Variants in GLP1R observed in about 807,000 individuals in gnomAD.
GLP1R encodes glucagon like peptide 1 receptor.
A neutral mutation model predicts 68.4 loss-of-function variants in GLP1R; 32 were observed. That is an observed-to-expected ratio of 0.47 (90% CI 0.35 to 0.63). The LOEUF (loss-of-function observed/expected upper bound fraction) is 0.63. Among genes scored for constraint, GLP1R ranks in the 20% least tolerant of loss-of-function variants. The pLI is 0.00. For synonymous variants in GLP1R, 263 were observed against 244.4 expected (o/e 1.08, Z -0.71); for missense variants, 502 against 594.9 (o/e 0.84, Z 1.62).
rs142426070 is a variant in GLP1R, at chr6:39,056,423, G to C, written c.105G>C (p.Thr35=). 5.5e-5 allele frequency: 89 copies of C among 1,607,936 alleles called. 1 individual carries two copies. The Admixed American group carries it at 1.4e-3, about 26-fold the overall frequency. ...PQGATVSLWE[T]VQKWREYRRQ... ...GTGCCACTGTGTCCCTCTGGGAGAC[G>C]GTGCAGAAATGGCGAGAATACCGAC... Residue 35 remains threonine (T), a synonymous_variant, in exon 2 of 13, where the codon ACG becomes ACC. Coordinates refer to ENST00000373256, the MANE Select transcript of GLP1R (RefSeq NM_002062.5).
chr6:39,080,851 C>T (rs1768988853), intron 12 of GLP1R, 112 bp downstream of exon 12: 2 of 632,936 alleles, frequency 3.2e-6, no homozygotes, highest in African/African-American at 1.9e-5. Context: ...CCCCTACTCA[C>T]CTCACTGAGG....
At chr6:39,073,563 C>T in intron 6 of GLP1R, 47 bp from the exon 7 acceptor site, 2 of 1,554,344 alleles carry the variant, frequency 1.3e-6, no homozygotes, top group Non-Finnish European at 1.8e-6. Context: ...TCAAGAGAGG[C>T]AGAGGGCAGA....
At chr6:39,068,309 C>G (rs1200128352) in intron 5 of GLP1R, among the ~76,000 whole-genome samples, 1 of 152,186 alleles carries the variant, frequency 6.6e-6, no homozygotes, top group East Asian at 1.9e-4. Context: ...CCCACTCGCA[C>G]AGCTTTGCTG....
chr6:39,069,506 G>A (rs189714008), intron 5 of GLP1R, among the ~76,000 whole-genome samples: 2 of 152,190 alleles, frequency 1.3e-5, no homozygotes, highest in African/African-American at 2.4e-5. Context: ...GGTGGCGGGC[G>A]CCTGTAGTCC....
At chr6:39,055,662 G>A (rs74897780) in intron 1 of GLP1R, among the ~76,000 whole-genome samples, 3 of 151,722 alleles carry the variant, frequency 2.0e-5, no homozygotes, top group African/African-American at 4.9e-5. Context: ...CTTCCTTTGG[G>A]TGGATAGAAG....
Position 39,079,306 on chromosome 6 carries a change from C to A in GLP1R, c.1043+106C>A, listed in dbSNP as rs1768925839. On this transcript the variant is annotated intron_variant, in intron 10 of 12. Transcript: ENST00000373256. This position sits in a 1 kb window ranked among gnomAD's most constrained non-coding sequence, Gnocchi z 4.5. ...GGGATGCTTAGCTTAGAGCCCTACA[C>A]TACCCTCTCCTTCCACCCAGGCCTG... The A allele has an allele frequency of 2.2e-6, 2 of 913,226 alleles. No individual in the cohort carries two copies. The highest frequency in any genetic ancestry group is 2.6e-4 in the Middle Eastern group (1 of 3,794). The allele number at this position is 913,226 out of a possible 1,614,324, so 56.6% of individuals were successfully genotyped here.
In GLP1R at chr6:39,060,993, G is replaced by A. The variant is rs148563723; in HGVS notation, c.283+3414G>A. 2.3e-3 allele frequency among the ~76,000 whole-genome samples: 357 copies of A among 152,284 alleles called. 2 individuals carry two copies. The highest frequency in any genetic ancestry group is 8.4e-3 in the African/African-American group (348 of 41,550). ...GTGGCGGCATTAGGAAGGCTTCCAGGGACAGGTGACACTGGGGCCAGACGT... is the reference window on the plus strand; with the variant it reads ...GTGGCGGCATTAGGAAGGCTTCCAGAGACAGGTGACACTGGGGCCAGACGT... On this transcript the variant is annotated intron_variant, in intron 3 of 12. Coordinates refer to ENST00000373256, the MANE Select transcript of GLP1R (RefSeq NM_002062.5).
intron 7 of GLP1R, 117 bp from the exon 8 acceptor site, chr6:39,078,205 C>T: frequency 1.3e-6 from 1 of 764,158 alleles, no homozygotes; most frequent in Non-Finnish European, 2.3e-6. Flanking sequence ...AGTTGGAGGC[C>T]AGGCAAGGAG....
intron 3 of GLP1R, 62 bp downstream of exon 3, chr6:39,057,641 C>G: frequency 1.1e-6 from 1 of 940,898 alleles, no homozygotes; most frequent in South Asian, 1.4e-5. Context: ...CCCTCCCCGA[C>G]CTGGTATCTG....
chr6:39,052,262 G>GA (rs1049841036), intron 1 of GLP1R, among the ~76,000 whole-genome samples: 5 of 151,640 alleles, frequency 3.3e-5, no homozygotes, highest in East Asian at 3.9e-4. Flanking sequence ...CTGAGCTTTT[G>GA]AAAAAAAAGA....
At chr6:39,073,549 G>T in intron 6 of GLP1R, 61 bp from the exon 7 acceptor site, 1 of 1,415,474 alleles carries the variant, frequency 7.1e-7, no homozygotes, top group Non-Finnish European at 9.9e-7. Context: ...GACGGGGAGT[G>T]GTATCAAGAG....
chr6:39,057,789 G>T (rs1169263603), intron 3 of GLP1R, among the ~76,000 whole-genome samples: 2 of 150,560 alleles, frequency 1.3e-5, no homozygotes, highest in Non-Finnish European at 3.0e-5. Context: ...ACCTGCCGTG[G>T]GTCAGCAGTG....
chr6:39,057,284 C>A (rs1467224623), intron 2 of GLP1R, among the ~76,000 whole-genome samples, 188 bp from the exon 3 acceptor site: 1 of 152,172 alleles, frequency 6.6e-6, no homozygotes, highest in Non-Finnish European at 1.5e-5. Flanking sequence ...CAAGGTCCTG[C>A]CACTGATAAG....
At chr6:39,059,522 T>C (rs1007156338) in intron 3 of GLP1R, among the ~76,000 whole-genome samples, 3 of 152,152 alleles carry the variant, frequency 2.0e-5, no homozygotes, top group African/African-American at 7.2e-5. Context: ...CTCTGCAATC[T>C]GGTGGTTCTG....
intron 3 of GLP1R, among the ~76,000 whole-genome samples, chr6:39,059,413 T>A (rs1184918265): frequency 6.6e-6 from 1 of 152,168 alleles, no homozygotes; most frequent in Non-Finnish European, 1.5e-5. Flanking sequence ...TGCCCTTGCA[T>A]GTGGCTCTGG....
intron 1 of GLP1R, among the ~76,000 whole-genome samples, chr6:39,050,029 C>T (rs1033605169): frequency 4.6e-5 from 7 of 152,156 alleles, no homozygotes; most frequent in Admixed American, 2.6e-4. Context: ...TCCACCTCGG[C>T]GGAAACCCCA....
rs1768633368 is a variant in GLP1R, at chr6:39,070,525, A to G, written c.510-2337A>G. Among the ~76,000 whole-genome samples, 3 of 152,230 alleles carry G rather than the reference A, an allele frequency of 2.0e-5. No individual in the cohort carries two copies. In the South Asian group the frequency reaches 6.2e-4, roughly 32 times the overall value. ...TACCACCTGCTTTCGCAATTTTACT[A>G]TGTTAAGTTGTTCTTCACAGTGGTC... is the stretch of plus-strand genomic sequence containing the variant. On this transcript the variant is annotated intron_variant, in intron 5 of 12. Transcript: ENST00000373256.
intron 3 of GLP1R, among the ~76,000 whole-genome samples, chr6:39,058,116 G>A (rs1234484458): frequency 1.3e-5 from 2 of 152,234 alleles, no homozygotes; most frequent in Non-Finnish European, 2.9e-5. Flanking sequence ...AGTGTGTGGG[G>A]AAGGGAAAGT....
rs1769214728 is a variant in GLP1R, at chr6:39,088,946, T to C, written c.*2873T>C. 6.6e-6 allele frequency among the ~76,000 whole-genome samples: 1 copy of C among 152,216 alleles called. No individual in the cohort carries two copies. Among genetic ancestry groups the C allele is most frequent in the Non-Finnish European group, 1.5e-5 (1 of 68,030 alleles). ...GCCAGGACCCAGACAAGCCCTTTTC[T>C]CTCAGTCTAGTGAGGCCTCTGGGAA... is the stretch of plus-strand genomic sequence containing the variant. On this transcript the variant is annotated 3_prime_UTR_variant, in exon 13 of 13. Transcript: ENST00000373256.
Sources: allele counts gnomAD v4.1 joint callset (sites outside exome capture counted in the v4.1 genomes callset), GRCh38; gene constraint gnomAD v4.1.1; non-coding constraint Gnocchi (gnomAD v3.1); transcripts MANE v1.5; gene names NCBI Gene and HGNC (gene_info 2026-07-23, HGNC 2026-07-21).